Variants in CDYL2 observed in about 807,000 individuals in gnomAD.
CDYL2 encodes the protein chromodomain Y-like protein 2.
A neutral mutation model predicts 49.4 loss-of-function variants in CDYL2; 23 were observed. The ratio of observed to expected loss-of-function variants is 0.47; its 90% CI spans 0.34 to 0.66. CDYL2 has a LOEUF of 0.66. Ranked by LOEUF, CDYL2 falls within the 30% of genes least tolerant of loss-of-function variation. CDYL2 has a pLI of 0.01. For missense variants in CDYL2, 678 were observed against 656.4 expected, an observed-to-expected ratio of 1.03 and a Z score of -0.36; for synonymous variants, 360 against 268.8, an observed-to-expected ratio of 1.34 and a Z score of -3.32.
intron 1 of CDYL2, among the ~76,000 whole-genome samples, chr16:80,773,434 C>T (rs1419760597): frequency 6.6e-6 from 1 of 152,030 alleles, no homozygotes; most frequent in Admixed American, 6.6e-5. Context: ...AGACCAAAAA[C>T]GCAGCAAGGT....
rs560048932 is a variant in CDYL2, at chr16:80,612,334, C to G, written c.1218+292G>C. Among the ~76,000 whole-genome samples the G allele has an allele frequency of 5.6e-4, 85 of 152,246 alleles. No homozygotes were observed. Among genetic ancestry groups the G allele is most frequent in the African/African-American group, 2.0e-3 (84 of 41,538 alleles). ...GTTTTGTTGTTAAAGCCACTGAGAC[C>G]GTGGGCTGCTTGTCACAGCACCCAG... On this transcript the variant is annotated intron_variant, in intron 5 of 6. Transcript: ENST00000570137. The surrounding 1 kb of genome is among the most constrained non-coding windows in gnomAD (Gnocchi z 5.0).
chr16:80,630,314 C>T (rs763400913), intron 3 of CDYL2, among the ~76,000 whole-genome samples: 6 of 152,218 alleles, frequency 3.9e-5, no homozygotes, highest in Non-Finnish European at 5.9e-5. Context: ...TTAAATCAGA[C>T]GAGCACAACA....
intron 2 of CDYL2, among the ~76,000 whole-genome samples, chr16:80,660,269 G>C (rs1243603334): frequency 1.3e-5 from 2 of 151,994 alleles, no homozygotes; most frequent in Non-Finnish European, 2.9e-5. Flanking sequence ...GTAATTACTG[G>C]CTGTGAAAAT....
chr16:80,796,472 C>T (rs1026642335), intron 1 of CDYL2, among the ~76,000 whole-genome samples: 4 of 152,188 alleles, frequency 2.6e-5, no homozygotes, highest in Non-Finnish European at 4.4e-5. Flanking sequence ...TCACTAAATG[C>T]GGCTGCAACA....
At chr16:80,722,023 C>T (rs1162515309) in intron 1 of CDYL2, among the ~76,000 whole-genome samples, 2 of 152,094 alleles carry the variant, frequency 1.3e-5, no homozygotes, top group Non-Finnish European at 2.9e-5. Flanking sequence ...GTTATGGACC[C>T]CTCAGGAGCT....
chr16:80,706,225 T>A (rs973265250), intron 1 of CDYL2, among the ~76,000 whole-genome samples: 2 of 152,234 alleles, frequency 1.3e-5, no homozygotes, highest in Admixed American at 1.3e-4. Flanking sequence ...CCATTAGTTG[T>A]CCCTTGGCTA....
intron 1 of CDYL2, among the ~76,000 whole-genome samples, chr16:80,757,360 C>A (rs895230826): frequency 6.6e-6 from 1 of 151,782 alleles, no homozygotes; most frequent in African/African-American, 2.4e-5. Flanking sequence ...GGCAACATAG[C>A]AAGACCCTGT....
chr16:80,703,627 C>G (rs1479437429), intron 1 of CDYL2, among the ~76,000 whole-genome samples: 1 of 152,132 alleles, frequency 6.6e-6, no homozygotes, highest in Non-Finnish European at 1.5e-5. Flanking sequence ...AGCAACCAAT[C>G]TGGTTACCAT....
chr16:80,713,811 T>C (rs1320721049), intron 1 of CDYL2, among the ~76,000 whole-genome samples: 1 of 152,104 alleles, frequency 6.6e-6, no homozygotes, highest in Non-Finnish European at 1.5e-5. Context: ...GGGATGCCCA[T>C]TCTTGGAACT....
intron 1 of CDYL2, among the ~76,000 whole-genome samples, chr16:80,709,557 A>AATAGAC (rs1239727759): frequency 0.028 from 3,425 of 121,778 alleles, 138 homozygotes; most frequent in African/African-American, 0.11. Context: ...TGCAGGAATA[A>AATAGAC]ACAGACACAC....
intron 1 of CDYL2, among the ~76,000 whole-genome samples, chr16:80,718,158 A>G (rs553192639): frequency 6.6e-6 from 1 of 152,346 alleles, no homozygotes; most frequent in Admixed American, 6.5e-5. Context: ...CTGTCTCCAA[A>G]GCCCGTGCTC....
intron 1 of CDYL2, among the ~76,000 whole-genome samples, chr16:80,741,875 C>T (rs527546133): frequency 7.2e-5 from 11 of 152,290 alleles, no homozygotes; most frequent in East Asian, 1.9e-4. Flanking sequence ...AATTTGGCAA[C>T]GCCCATGAAA....
intron 1 of CDYL2, among the ~76,000 whole-genome samples, chr16:80,701,290 A>G (rs1034917109): frequency 1.3e-5 from 2 of 152,246 alleles, no homozygotes; most frequent in Admixed American, 1.3e-4. Context: ...TTCACTGTTA[A>G]TCTTCTATGG....
chr16:80,716,731 T>C (rs1356415546), intron 1 of CDYL2, among the ~76,000 whole-genome samples: 2 of 151,758 alleles, frequency 1.3e-5, no homozygotes, highest in Non-Finnish European at 2.9e-5. Context: ...GGATGGATAA[T>C]GGATGGATCG....
At chr16:80,676,039 G>A (rs1401571195) in intron 2 of CDYL2, among the ~76,000 whole-genome samples, 1 of 152,144 alleles carries the variant, frequency 6.6e-6, no homozygotes. Context: ...CAGGAGCCAA[G>A]CGGGGAGAAT....
chr16:80,760,760 G>C (rs1367965716), intron 1 of CDYL2, among the ~76,000 whole-genome samples: 1 of 151,580 alleles, frequency 6.6e-6, no homozygotes, highest in Non-Finnish European at 1.5e-5. Flanking sequence ...ACTACCAGAG[G>C]GGGCAGTCCA....
intron 1 of CDYL2, among the ~76,000 whole-genome samples, chr16:80,687,865 C>T (rs1298356307): frequency 1.3e-5 from 2 of 152,196 alleles, no homozygotes; most frequent in Non-Finnish European, 2.9e-5. Flanking sequence ...TGTACGTTTG[C>T]ATTCCACAGT....
chr16:80,661,383 T>C (rs1169611604), intron 2 of CDYL2, among the ~76,000 whole-genome samples: 1 of 152,196 alleles, frequency 6.6e-6, no homozygotes, highest in African/African-American at 2.4e-5. Flanking sequence ...CTTTGGCATA[T>C]TCCCCAGAGT....
chr16:80,796,893 C>A (rs768275635), intron 1 of CDYL2, among the ~76,000 whole-genome samples: 2 of 152,138 alleles, frequency 1.3e-5, no homozygotes, highest in Non-Finnish European at 2.9e-5. Flanking sequence ...AATAGATGCA[C>A]CCCAAGGTTA....
Sources: gnomAD v4.1 joint callset for allele counts (sites outside exome capture counted in the v4.1 genomes callset) on GRCh38, gnomAD v4.1.1 for gene constraint, Gnocchi (gnomAD v3.1) non-coding constraint, MANE v1.5 for transcripts, NCBI Gene and HGNC (gene_info 2026-07-23, HGNC 2026-07-21) for gene names.